The following NALF1 variants were observed in gnomAD, a reference collection of about 807,000 sequenced individuals.
The protein encoded by NALF1 is family with sequence similarity 155 member A.
In NALF1, 3 loss-of-function variants were observed where a neutral mutation model predicts 48.4. The observed-to-expected ratio is 0.06, with a 90% CI of 0.03 to 0.16. The LOEUF (loss-of-function observed/expected upper bound fraction) is 0.16, where lower values mean the gene tolerates loss of function less well. Among genes scored for constraint, NALF1 ranks in the 10% least tolerant of loss-of-function variants. The pLI, the probability that NALF1 is intolerant of heterozygous loss-of-function variation, is 1.00. For missense variants in NALF1, 526 were observed against 571.5 expected (o/e 0.92, Z 0.81); for synonymous variants, 262 against 245.7 (o/e 1.07, Z -0.62).
chr13:107,679,482 G>A (rs943865095), intron 1 of NALF1, among the ~76,000 whole-genome samples: 2 of 152,210 alleles, frequency 1.3e-5, no homozygotes, highest in African/African-American at 4.8e-5. Flanking sequence ...CACTGTGCAA[G>A]TGACTTTTAT....
chr13:107,517,940 C>T lies in NALF1; in HGVS notation c.916-307185G>A, dbSNP rs1470503886. Among the ~76,000 whole-genome samples the T allele has an allele frequency of 4.6e-5, 7 of 152,134 alleles. 1 individual carries two copies. Among genetic ancestry groups the T allele is most frequent in the Admixed American group, 2.6e-4 (4 of 15,272 alleles). On this transcript the variant is annotated intron_variant, in intron 1 of 2. Coordinates refer to ENST00000375915, the MANE Select transcript of NALF1 (RefSeq NM_001080396.3). Reference sequence around the variant, plus strand: ...TTGCACTCCAGCCTGGATGACACAGCGAGACACCATCTCAAAAACAAACAA... The same window carrying T: ...TTGCACTCCAGCCTGGATGACACAGTGAGACACCATCTCAAAAACAAACAA...
chr13:107,638,171 C>T (rs1245523081), intron 1 of NALF1, among the ~76,000 whole-genome samples: 1 of 70,144 alleles, frequency 1.4e-5, no homozygotes, highest in African/African-American at 3.8e-5. Context: ...GTATATATCC[C>T]TATCTATATA....
chr13:107,379,519 C>T (rs1883395345), intron 1 of NALF1, among the ~76,000 whole-genome samples: 1 of 152,104 alleles, frequency 6.6e-6, no homozygotes, highest in Non-Finnish European at 1.5e-5. Context: ...CAAGTTGGGG[C>T]AACGTCAAAG....
In NALF1 at chr13:107,801,410, T is replaced by C. The variant is rs146042996; in HGVS notation, c.915+64272A>G. ...TATTTATAAGAAAGGTTTTGAATAG[T>C]TGAGCAATTACTAAAGGAGGCTGGC... On this transcript the variant is annotated intron_variant, in intron 1 of 2. Transcript: ENST00000375915. Among the ~76,000 whole-genome samples, 6 of 152,306 alleles carry C rather than the reference T, an allele frequency of 3.9e-5. No individual in the cohort carries two copies. In the East Asian group the frequency reaches 5.8e-4, roughly 15 times the overall value.
At chr13:107,619,077 G>A (rs1555312912) in intron 1 of NALF1, among the ~76,000 whole-genome samples, 1 of 152,184 alleles carries the variant, frequency 6.6e-6, no homozygotes, top group Non-Finnish European at 1.5e-5. Flanking sequence ...TGGCTACCAA[G>A]CACTTGCACT....
At chr13:107,391,424 G>A (rs1043388038) in intron 1 of NALF1, among the ~76,000 whole-genome samples, 1 of 152,118 alleles carries the variant, frequency 6.6e-6, no homozygotes, top group Non-Finnish European at 1.5e-5. Context: ...ACATTTCCTT[G>A]CCATACCTTG....
intron 1 of NALF1, among the ~76,000 whole-genome samples, chr13:107,627,432 T>A (rs1176441607): frequency 1.3e-5 from 2 of 152,032 alleles, no homozygotes; most frequent in South Asian, 4.1e-4. Context: ...CAATAGGAAG[T>A]CATATTCTTC....
rs888120564 is a variant in NALF1 at position 107,234,054 on chromosome 13, A to T, written c.916-23299T>A. On this transcript the variant is annotated intron_variant, in intron 1 of 2. Transcript: ENST00000375915. ...AAAACCTTGGATTTTCCAGTAGTTCATATTAACTGTGGTTTCCATATCCAG... is the reference window on the plus strand; with the variant it reads ...AAAACCTTGGATTTTCCAGTAGTTCTTATTAACTGTGGTTTCCATATCCAG... 2.0e-5 allele frequency among the ~76,000 whole-genome samples: 3 copies of T among 152,182 alleles called. No homozygotes were observed. The East Asian group carries it at 5.8e-4, about 29-fold the overall frequency.
Position 107,812,786 on chromosome 13 carries a change from AT to A in NALF1, c.915+52895del, listed in dbSNP as rs1053345695. Among the ~76,000 whole-genome samples, 5 of 151,488 alleles carry A rather than the reference AT, an allele frequency of 3.3e-5. 2 individuals carry two copies. The highest frequency in any genetic ancestry group is 1.2e-4 in the African/African-American group (5 of 41,334). ...GAGAGGGTTTTTGTTGTTGTTTTTC[AT>A]TTTTTTTGTTTGTTGGTTGGTTCGT... On this transcript the variant is annotated intron_variant, in intron 1 of 2. Coordinates refer to ENST00000375915, the MANE Select transcript of NALF1 (RefSeq NM_001080396.3).
At chr13:107,785,597 G>A (rs1481673201) in intron 1 of NALF1, among the ~76,000 whole-genome samples, 2 of 152,120 alleles carry the variant, frequency 1.3e-5, no homozygotes, top group Non-Finnish European at 2.9e-5. Flanking sequence ...AGCATTGAGT[G>A]TATACTACCT....
Position 107,866,338 on chromosome 13 carries a change from TCTGCTG to T in NALF1, c.253_258del (p.Gln85_Gln86del), listed in dbSNP as rs756515049. 1.1e-5 allele frequency: 18 copies of T among 1,598,676 alleles called. No individual in the cohort carries two copies. The highest frequency in any genetic ancestry group is 1.7e-4 in the Middle Eastern group (1 of 5,784). Reference sequence around the variant, plus strand: ...TGCTGCTGCTGCTGCTGCCGCTGCCTCTGCTGCTGCTGCTGCTGCTGCTGCTGCCGC... The same window carrying T: ...TGCTGCTGCTGCTGCTGCCGCTGCCTCTGCTGCTGCTGCTGCTGCTGCCGC... On this transcript the variant is annotated inframe_deletion, in exon 1 of 3. Coordinates refer to ENST00000375915, the MANE Select transcript of NALF1 (RefSeq NM_001080396.3). The surrounding 1 kb of genome is among the most constrained non-coding windows in gnomAD (Gnocchi z 4.4).
At chr13:107,376,338 A>T (rs1317983723) in intron 1 of NALF1, among the ~76,000 whole-genome samples, 1 of 152,168 alleles carries the variant, frequency 6.6e-6, no homozygotes, top group Non-Finnish European at 1.5e-5. Flanking sequence ...GGTGTGTGGG[A>T]TTAAGAAGAA....
At chr13:107,494,425 C>T (rs996088162) in intron 1 of NALF1, among the ~76,000 whole-genome samples, 22 of 152,170 alleles carry the variant, frequency 1.4e-4, no homozygotes, top group Non-Finnish European at 2.4e-4. Context: ...CCCAAATGGA[C>T]GATGAAAAGA....
At chr13:107,452,879 G>T (rs893082271) in intron 1 of NALF1, among the ~76,000 whole-genome samples, 5 of 152,148 alleles carry the variant, frequency 3.3e-5, no homozygotes, top group Non-Finnish European at 7.3e-5. Context: ...AGAGACATTG[G>T]CCAAAACAAA....
At chr13:107,469,554 T>G (rs898126648) in intron 1 of NALF1, among the ~76,000 whole-genome samples, 9 of 152,078 alleles carry the variant, frequency 5.9e-5, no homozygotes, top group African/African-American at 2.2e-4. Context: ...TCTAGGCACA[T>G]CCTCCTGTAC....
At chr13:107,537,804 G>A (rs977187612) in intron 1 of NALF1, among the ~76,000 whole-genome samples, 1 of 152,044 alleles carries the variant, frequency 6.6e-6, no homozygotes, top group Non-Finnish European at 1.5e-5. Flanking sequence ...GATCACTTGA[G>A]GTCAGGAGTT....
chr13:107,777,366 T>C (rs571849736), intron 1 of NALF1, among the ~76,000 whole-genome samples: 37 of 152,232 alleles, frequency 2.4e-4, no homozygotes, highest in South Asian at 1.0e-3. Flanking sequence ...GATACACCCA[T>C]TGACGTAATT....
intron 1 of NALF1, among the ~76,000 whole-genome samples, chr13:107,675,330 C>T (rs1222123454): frequency 6.6e-6 from 1 of 152,150 alleles, no homozygotes; most frequent in Non-Finnish European, 1.5e-5. Context: ...AAAATTCTCA[C>T]TGTACCTGCG....
chr13:107,175,930 G>C (rs1271968186), intron 2 of NALF1, among the ~76,000 whole-genome samples: 1 of 152,052 alleles, frequency 6.6e-6, no homozygotes, highest in African/African-American at 2.4e-5. Context: ...TCTCTCAAGG[G>C]CCATCCCAGC....
Sources: allele counts gnomAD v4.1 joint callset (sites outside exome capture counted in the v4.1 genomes callset), GRCh38; gene constraint gnomAD v4.1.1; non-coding constraint Gnocchi (gnomAD v3.1); transcripts MANE v1.5; gene names NCBI Gene and HGNC (gene_info 2026-07-23, HGNC 2026-07-21).